SNED1: variants seen among roughly 807,000 people sequenced by gnomAD.
SNED1 encodes the protein sushi, nidogen and EGF like domains 1.
In SNED1, 81 loss-of-function variants were observed where a neutral mutation model predicts 166.7. The ratio of observed to expected loss-of-function variants is 0.49; its 90% CI spans 0.41 to 0.58. The LOEUF is 0.58. Ranked by LOEUF, SNED1 falls within the 20% of genes least tolerant of loss-of-function variation. The pLI is 0.00. For missense variants in SNED1, 1,604 were observed against 2,000.2 expected (o/e 0.80, Z 3.78); for synonymous variants, 762 against 822.0 (o/e 0.93, Z 1.25).
At chr2:241,060,341 C>G (rs1382052816) in intron 16 of SNED1, among the ~76,000 whole-genome samples, 32 of 152,162 alleles carry the variant, frequency 2.1e-4, no homozygotes. Context: ...CACCACCATA[C>G]CCAGCTAATT....
At chr2:241,080,957 G>A (rs1175309479) in intron 27 of SNED1, among the ~76,000 whole-genome samples, 2 of 152,256 alleles carry the variant, frequency 1.3e-5, no homozygotes, top group Non-Finnish European at 2.9e-5. Context: ...GTCTGTGAGA[G>A]GACAGCCCTT....
At chr2:241,082,804 G>A (rs544284411) in intron 29 of SNED1, among the ~76,000 whole-genome samples, 214 of 152,366 alleles carry the variant, frequency 1.4e-3, no homozygotes, top group Admixed American at 4.6e-3. Flanking sequence ...ATGGGCTGTG[G>A]AGGGAGAGAT....
In SNED1 at chr2:241,013,781, T is replaced by C. The variant is rs1269109280; in HGVS notation, c.213+14731T>C. On this transcript the variant is annotated intron_variant, in intron 1 of 31. Transcript: ENST00000310397. The surrounding 1 kb of genome is among the most constrained non-coding windows in gnomAD (Gnocchi z 4.6). ...TTGTCATGGCTGAATAATATTCCCTTGTGTGTACATATGTCTGTATATATA... is the reference window on the plus strand; with the variant it reads ...TTGTCATGGCTGAATAATATTCCCTCGTGTGTACATATGTCTGTATATATA... Among the ~76,000 whole-genome samples the C allele has an allele frequency of 2.6e-5, 4 of 152,226 alleles. No individual in the cohort carries two copies. Among genetic ancestry groups the C allele is most frequent in the Non-Finnish European group, 5.9e-5 (4 of 68,042 alleles).
At position 241,070,179 on chromosome 2, in the gene SNED1, C is replaced by T. The variant is rs375438550; in HGVS notation, c.3567C>T (p.Pro1189=). 3,242 of 1,601,322 alleles carry T rather than the reference C, an allele frequency of 2.0e-3. 10 individuals carry two copies. The highest frequency in any genetic ancestry group is 2.8e-3 in the Middle Eastern group (17 of 6,046). Residue 1189 remains proline (P), a synonymous_variant, in exon 24 of 32, where the codon CCC becomes CCT. Transcript: ENST00000310397. ...AGCTCGGGCCGCAGCACAGCGAGCCCGCCCACCTCTACATCATCACCTGTG... is the reference window on the plus strand; with the variant it reads ...AGCTCGGGCCGCAGCACAGCGAGCCTGCCCACCTCTACATCATCACCTGTG... ...STELGPQHSE[P]AHLYIITSPR...
At position 241,082,318 on chromosome 2, in the gene SNED1, G is replaced by A. The variant is rs572761965; in HGVS notation, c.4075G>A (p.Glu1359Lys). The change falls in exon 29 of 32, where the codon GAG (glutamate) becomes AAG (lysine). Residue 1359 changes from glutamate (E) to lysine (K), a missense_variant. Coordinates refer to ENST00000310397, the MANE Select transcript of SNED1 (RefSeq NM_001080437.3). ...VSRPCTRLFS[E>K]TKAFPVWEGG... Reference sequence around the variant, plus strand: ...CCGCCCCTGCACAAGGCTGTTCTCCGAGACAAAGGCCTTTCCAGTCTGGGA... The same window carrying A: ...CCGCCCCTGCACAAGGCTGTTCTCCAAGACAAAGGCCTTTCCAGTCTGGGA... 5.8e-5 allele frequency: 93 copies of A among 1,613,622 alleles called. No homozygotes were observed. Among genetic ancestry groups the A allele is most frequent in the African/African-American group, 1.9e-4 (14 of 75,024 alleles).
At chr2:241,032,832 C>T (rs982447266) in intron 2 of SNED1, among the ~76,000 whole-genome samples, 9 of 152,144 alleles carry the variant, frequency 5.9e-5, no homozygotes. Context: ...TACCCTCTGA[C>T]ATTTTTTCTG....
chr2:241,010,332 G>A (rs953664682), intron 1 of SNED1: 27 of 152,438 alleles, frequency 1.8e-4, no homozygotes, highest in African/African-American at 5.5e-4. Context: ...CTCCCCAGAC[G>A]CTTCAGCTCT....
chr2:241,028,256 A>C (rs1041055951), intron 1 of SNED1, among the ~76,000 whole-genome samples: 1 of 152,040 alleles, frequency 6.6e-6, no homozygotes, highest in African/African-American at 2.4e-5. Flanking sequence ...TACTCTGTTA[A>C]TAGTGTATTT....
At chr2:241,005,364 C>T (rs1320264777) in intron 1 of SNED1, among the ~76,000 whole-genome samples, 1 of 151,954 alleles carries the variant, frequency 6.6e-6, no homozygotes. Flanking sequence ...CCATCACCCC[C>T]AGCTAATTTT....
intron 16 of SNED1, among the ~76,000 whole-genome samples, chr2:241,057,380 A>AATATATATATATATATATATATATAT (rs57902432): frequency 1.4e-4 from 16 of 118,106 alleles, no homozygotes; most frequent in East Asian, 2.9e-4. Flanking sequence ...TCCATCTCAA[A>AATATATATATATATATATATATATAT]ATATATATAT....
intron 1 of SNED1, among the ~76,000 whole-genome samples, chr2:241,012,515 G>A (rs1038785303): frequency 1.3e-5 from 2 of 152,170 alleles, no homozygotes; most frequent in Non-Finnish European, 2.9e-5. Flanking sequence ...TGGTGGTGCT[G>A]TTACTTCATC....
At chr2:241,081,228 G>C (rs1385149664) in intron 27 of SNED1, among the ~76,000 whole-genome samples, 1 of 151,680 alleles carries the variant, frequency 6.6e-6, no homozygotes, top group African/African-American at 2.4e-5. Context: ...ACAGGGGTGG[G>C]ATCAAGTGAG....
intron 1 of SNED1, among the ~76,000 whole-genome samples, chr2:241,011,141 T>A (rs111893578): frequency 0.1 from 6,512 of 64,336 alleles, 1,086 homozygotes; most frequent in African/African-American, 0.39. Context: ...GGTCTCCTGG[T>A]TCTCCTGGGT....
At position 241,069,677 on chromosome 2, in the gene SNED1, G is replaced by A. The variant is rs944486961; in HGVS notation, c.3308-243G>A. Reference sequence around the variant, plus strand: ...GCCAGCTGACGGGCCAGGGCCTGGGGGCTTCACAGGGTGGATCCTAACCCG... The same window carrying A: ...GCCAGCTGACGGGCCAGGGCCTGGGAGCTTCACAGGGTGGATCCTAACCCG... On this transcript the variant is annotated intron_variant, in intron 23 of 31. Coordinates refer to ENST00000310397, the MANE Select transcript of SNED1 (RefSeq NM_001080437.3). This position sits in a 1 kb window ranked among gnomAD's most constrained non-coding sequence, Gnocchi z 4.9. Among the ~76,000 whole-genome samples, 11 of 152,168 alleles carry A rather than the reference G, an allele frequency of 7.2e-5. No individual in the cohort carries two copies. The highest frequency in any genetic ancestry group is 1.5e-4 in the Non-Finnish European group (10 of 68,010).
At chr2:241,062,731 G>C in intron 16 of SNED1, 60 bp from the exon 17 acceptor site, 1 of 1,113,414 alleles carries the variant, frequency 9.0e-7, no homozygotes, top group South Asian at 1.3e-5. Flanking sequence ...TAGTTTATGT[G>C]CATCTTAATT....
At chr2:241,088,698 T>G in intron 31 of SNED1, 2 of 418,084 alleles carry the variant, frequency 4.8e-6, no homozygotes, top group South Asian at 4.2e-5. Context: ...AAGAAACCCC[T>G]AGATCAGCTG....
chr2:241,052,208 G>C, intron 14 of SNED1, 51 bp downstream of exon 14: 2 of 1,544,668 alleles, frequency 1.3e-6, no homozygotes, highest in South Asian at 2.2e-5. Context: ...AACCCTCTCT[G>C]CAGATGTGAA....
intron 8 of SNED1, 47 bp from the exon 9 acceptor site, chr2:241,048,268 C>G: frequency 6.5e-7 from 1 of 1,545,810 alleles, no homozygotes. Flanking sequence ...AGACCACTCT[C>G]CCCACATTCC....
chr2:241,029,507 T>C (rs1279627493), intron 1 of SNED1, among the ~76,000 whole-genome samples: 3 of 152,214 alleles, frequency 2.0e-5, no homozygotes, highest in Non-Finnish European at 4.4e-5. Flanking sequence ...GCTAACACTA[T>C]CTCTGTGGGA....
Sources: allele counts gnomAD v4.1 joint callset (sites outside exome capture counted in the v4.1 genomes callset), GRCh38; gene constraint gnomAD v4.1.1; non-coding constraint Gnocchi (gnomAD v3.1); transcripts MANE v1.5; gene names NCBI Gene and HGNC (gene_info 2026-07-23, HGNC 2026-07-21).